MCF2L: variants seen among roughly 807,000 people sequenced by gnomAD.
MCF2L encodes the protein MCF.2 cell line derived transforming sequence like.
In MCF2L, 97 loss-of-function variants were observed where a neutral mutation model predicts 153.4. The observed-to-expected ratio is 0.63, with a 90% CI of 0.54 to 0.75. The LOEUF (loss-of-function observed/expected upper bound fraction) is 0.75, where lower values mean the gene tolerates loss of function less well. Ranked by LOEUF, MCF2L falls within the 30% of genes least tolerant of loss-of-function variation. The probability of loss-of-function intolerance (pLI) is 0.00; values close to 1 mark genes in which losing one functional copy is unlikely to be tolerated. For synonymous variants in MCF2L, 659 were observed against 632.2 expected, an observed-to-expected ratio of 1.04 and a Z score of -0.64; for missense variants, 1,347 against 1,495.2, an observed-to-expected ratio of 0.90 and a Z score of 1.64.
At chr13:113,060,240 G>A (rs1321474379) in intron 4 of MCF2L, among the ~76,000 whole-genome samples, 2 of 152,216 alleles carry the variant, frequency 1.3e-5, no homozygotes, top group African/African-American at 4.8e-5. Flanking sequence ...TGTAAAGACC[G>A]CGTCACCAGC....
chr13:113,085,256 C>T (rs2034520966), intron 20 of MCF2L, 78 bp downstream of exon 20: 4 of 1,249,510 alleles, frequency 3.2e-6, no homozygotes, highest in African/African-American at 1.5e-5. Flanking sequence ...GGGCCCCGTC[C>T]CCATCGCGCC....
intron 18 of MCF2L, 181 bp from the exon 19 acceptor site, chr13:113,084,711 A>G: frequency 1.6e-6 from 1 of 606,324 alleles, no homozygotes; most frequent in Non-Finnish European, 2.9e-6. Flanking sequence ...CCCCCAGCGG[A>G]GCCTGGGAGC....
chr13:113,024,507 T>C (rs1037842927), intron 2 of MCF2L, 137 bp from the exon 3 acceptor site: 21 of 595,114 alleles, frequency 3.5e-5, no homozygotes, highest in Non-Finnish European at 5.6e-5. Context: ...TTCTTTCAAA[T>C]AAAAATTATG....
chr13:112,970,313 G>A (rs759099276), intron 1 of MCF2L, among the ~76,000 whole-genome samples: 5 of 152,094 alleles, frequency 3.3e-5, no homozygotes, highest in African/African-American at 4.8e-5. Flanking sequence ...GCTTGGTTTG[G>A]GTGTGGTTCT....
intron 5 of MCF2L, among the ~76,000 whole-genome samples, chr13:113,061,960 C>T (rs2031577710): frequency 7.1e-6 from 1 of 140,808 alleles, no homozygotes; most frequent in East Asian, 2.1e-4. Context: ...CCCACCCCCA[C>T]GCAGTCCACT....
At chr13:113,017,625 A>G (rs2084613916) in intron 2 of MCF2L, among the ~76,000 whole-genome samples, 1 of 152,166 alleles carries the variant, frequency 6.6e-6, no homozygotes, top group Admixed American at 6.5e-5. Context: ...CTGTCTTGAC[A>G]GCTGCCCTCA....
chr13:113,002,769 C>T (rs2083453895), intron 1 of MCF2L, among the ~76,000 whole-genome samples: 1 of 152,194 alleles, frequency 6.6e-6, no homozygotes, highest in South Asian at 2.1e-4. Context: ...GGTACTTATG[C>T]CAAGTATTGA....
chr13:113,029,552 A>G lies in MCF2L; in HGVS notation c.278+4794A>G, dbSNP rs182468913. Reference sequence around the variant, plus strand: ...GAAGTCTCTGCATCCCTGGCGAGCAAAATTGCCAGGCTAGTGACAAGGAGG... The same window carrying G: ...GAAGTCTCTGCATCCCTGGCGAGCAGAATTGCCAGGCTAGTGACAAGGAGG... On this transcript the variant is annotated intron_variant, in intron 3 of 29. Coordinates refer to ENST00000535094, the MANE Select transcript of MCF2L (RefSeq NM_001112732.3). 1.2e-4 allele frequency among the ~76,000 whole-genome samples: 18 copies of G among 152,296 alleles called. 1 individual carries two copies. In the East Asian group the frequency reaches 3.3e-3, roughly 28 times the overall value.
intron 1 of MCF2L, among the ~76,000 whole-genome samples, chr13:112,984,762 G>A (rs1293007278): frequency 6.6e-6 from 1 of 152,166 alleles, no homozygotes; most frequent in Non-Finnish European, 1.5e-5. Flanking sequence ...CAATCCCTCA[G>A]CAATCACACT....
chr13:112,971,923 C>T (rs935248396), intron 1 of MCF2L, among the ~76,000 whole-genome samples: 51 of 152,172 alleles, frequency 3.4e-4, no homozygotes, highest in Admixed American at 2.8e-3. Context: ...TTTAAGCATT[C>T]GATGAAACAG....
chr13:113,045,446 C>A lies in MCF2L; in HGVS notation c.369+85C>A, dbSNP rs140346998. 2 of 1,194,094 alleles carry A rather than the reference C, an allele frequency of 1.7e-6. No homozygotes were observed. Among genetic ancestry groups the A allele is most frequent in the Admixed American group, 3.6e-5 (2 of 54,798 alleles). The allele number at this position is 1,194,094 out of a possible 1,614,324, so 74.0% of individuals were successfully genotyped here. ...TGGTGCCCTTCCTCTGTGTCTGCCG[C>A]AGTTCCTGCTTTGTGCTGAGTGGGA... On this transcript the variant is annotated intron_variant, in intron 4 of 29. Coordinates refer to ENST00000535094, the MANE Select transcript of MCF2L (RefSeq NM_001112732.3). This position sits in a 1 kb window ranked among gnomAD's most constrained non-coding sequence, Gnocchi z 4.2.
intron 2 of MCF2L, among the ~76,000 whole-genome samples, chr13:112,927,014 T>A (rs999395489): frequency 1.6e-4 from 25 of 152,178 alleles, no homozygotes; most frequent in African/African-American, 5.6e-4. Context: ...ATAAATACAG[T>A]TTTTGTCAAT....
intron 2 of MCF2L, among the ~76,000 whole-genome samples, chr13:113,022,588 C>T (rs1439057074): frequency 6.6e-6 from 1 of 152,276 alleles, no homozygotes; most frequent in African/African-American, 2.4e-5. Context: ...CAGGCGCAGG[C>T]TGCGGCCGTT....
chr13:112,996,854 A>G (rs1386922124), intron 1 of MCF2L, among the ~76,000 whole-genome samples: 1 of 152,154 alleles, frequency 6.6e-6, no homozygotes. Flanking sequence ...GCATCTGTGC[A>G]CAGCTGAGCC....
At position 112,932,467 on chromosome 13, in the gene MCF2L, C is replaced by T. The variant is rs565576653; in HGVS notation, c.169+30096C>T. Among the ~76,000 whole-genome samples the T allele has an allele frequency of 4.6e-5, 7 of 152,324 alleles. No individual in the cohort carries two copies. The East Asian group carries it at 1.3e-3, about 29-fold the overall frequency. On this transcript the variant is annotated intron_variant, in intron 2 of 29. Coordinates refer to the MCF2L transcript ENST00000375608. This position sits in a 1 kb window ranked among gnomAD's most constrained non-coding sequence, Gnocchi z 4.6. The stretch of plus-strand genomic sequence containing the variant: ...AACAGAAGAATATATTAGGCAAAAA[C>T]TGTGGAAACCTGAATAAACTGTGCA...
intron 2 of MCF2L, among the ~76,000 whole-genome samples, chr13:112,903,931 G>A (rs1298581821): frequency 6.6e-6 from 1 of 152,208 alleles, no homozygotes; most frequent in Non-Finnish European, 1.5e-5. Flanking sequence ...TCAGAAGAGG[G>A]CAGGAGTGAG....
chr13:113,011,033 C>A (rs2084061374), intron 1 of MCF2L, among the ~76,000 whole-genome samples: 1 of 152,056 alleles, frequency 6.6e-6, no homozygotes, highest in Non-Finnish European at 1.5e-5. Context: ...TGAGTGGGTT[C>A]AAAAAATCAA....
chr13:113,047,587 A>C (rs2086895464), intron 4 of MCF2L, among the ~76,000 whole-genome samples: 1 of 152,260 alleles, frequency 6.6e-6, no homozygotes, highest in Non-Finnish European at 1.5e-5. Flanking sequence ...CCGCTGATAT[A>C]AACCAGCCAT....
chr13:113,086,521 G>A (rs1388458991), intron 21 of MCF2L, among the ~76,000 whole-genome samples: 6 of 152,182 alleles, frequency 3.9e-5, no homozygotes, highest in Non-Finnish European at 8.8e-5. Flanking sequence ...ATCTCCAGCA[G>A]GAACGCAGCT....
Sources: allele counts gnomAD v4.1 joint callset (sites outside exome capture counted in the v4.1 genomes callset), GRCh38; gene constraint gnomAD v4.1.1; non-coding constraint Gnocchi (gnomAD v3.1); transcripts MANE v1.5; gene names NCBI Gene and HGNC (gene_info 2026-07-23, HGNC 2026-07-21).